Variants in OGFOD1 observed in about 807,000 individuals in gnomAD.
OGFOD1 encodes 2-oxoglutarate and iron dependent oxygenase domain containing 1, also known as prolyl 3-hydroxylase OGFOD1.
In OGFOD1, 54 loss-of-function variants were observed where a neutral mutation model predicts 67.7. That is an observed-to-expected ratio of 0.80 (90% CI 0.64 to 1.00). The LOEUF is 1.00. Ranked by LOEUF, OGFOD1 falls within the 50% of genes least tolerant of loss-of-function variation. The pLI is 0.00. For missense variants in OGFOD1, 606 were observed against 646.7 expected, an observed-to-expected ratio of 0.94 and a Z score of 0.68; for synonymous variants, 221 against 227.0, an observed-to-expected ratio of 0.97 and a Z score of 0.24.
chr16:56,465,102 C>T (rs1410933486), intron 4 of OGFOD1, among the ~76,000 whole-genome samples: 2 of 151,644 alleles, frequency 1.3e-5, no homozygotes, highest in Admixed American at 6.6e-5. Flanking sequence ...TGGGTTCAAG[C>T]GATTCTCCTA....
Position 56,453,395 on chromosome 16 carries a change from A to G in OGFOD1, c.287A>G (p.Tyr96Cys), listed in dbSNP as rs752264043. Residue 96 changes from tyrosine (Y) to cysteine (C), a missense_variant, in exon 2 of 13, where the codon TAT (tyrosine) becomes TGT (cysteine). Physicochemically the swap from Tyr to Cys is radical, Grantham distance 194. Transcript: ENST00000566157. Reference protein sequence around the residue: ...LDFHEKYNDLYKFQQSDDLKK... With the variant: ...LDFHEKYNDLCKFQQSDDLKK... The stretch of plus-strand genomic sequence containing the variant: ...TTCCATGAGAAGTATAATGATTTAT[A>G]TAAGTTCCAGCAGGTATTTATTCCC... The G allele has an allele frequency of 1.1e-5, 18 of 1,611,500 alleles. No homozygotes were observed. Among genetic ancestry groups the G allele is most frequent in the Non-Finnish European group, 1.4e-5 (16 of 1,179,182 alleles).
At chr16:56,457,805 G>A (rs144661321) in intron 2 of OGFOD1, among the ~76,000 whole-genome samples, 109 of 152,040 alleles carry the variant, frequency 7.2e-4, no homozygotes, top group South Asian at 1.5e-3. Flanking sequence ...TCAGCCTCCC[G>A]AGTAGCTGGA....
intron 3 of OGFOD1, among the ~76,000 whole-genome samples, chr16:56,460,217 C>T (rs1203070358): frequency 6.6e-6 from 1 of 152,234 alleles, no homozygotes; most frequent in Non-Finnish European, 1.5e-5. Flanking sequence ...TTACATTCCA[C>T]ACTAAAGGCT....
intron 2 of OGFOD1, chr16:56,454,874 T>C (rs1443244603): frequency 1.1e-5 from 4 of 358,444 alleles, no homozygotes; most frequent in African/African-American, 8.8e-5. Flanking sequence ...ACATGAAAGA[T>C]ATGACTCTTA....
chr16:56,473,580 T>G (rs1482259240), intron 10 of OGFOD1, among the ~76,000 whole-genome samples: 4 of 152,252 alleles, frequency 2.6e-5, no homozygotes, highest in African/African-American at 9.6e-5. Flanking sequence ...GATGATGTTT[T>G]CATTCTTCCT....
intron 3 of OGFOD1, among the ~76,000 whole-genome samples, chr16:56,460,530 C>T (rs769870538): frequency 1.2e-4 from 19 of 152,212 alleles, no homozygotes; most frequent in Non-Finnish European, 2.4e-4. Flanking sequence ...GCTATCCTGA[C>T]CCATTTTACA....
chr16:56,456,926 C>A (rs1238787505), intron 2 of OGFOD1, among the ~76,000 whole-genome samples: 1 of 152,186 alleles, frequency 6.6e-6, no homozygotes, highest in African/African-American at 2.4e-5. Flanking sequence ...TCCAGAGAAG[C>A]CCACTTCTTA....
At chr16:56,466,731 G>A in intron 5 of OGFOD1, 145 bp from the exon 6 acceptor site, 1 of 687,096 alleles carries the variant, frequency 1.5e-6, no homozygotes, top group Non-Finnish European at 2.6e-6. Flanking sequence ...TCGCAAGTAT[G>A]AGTGAAGCAG....
chr16:56,473,130 C>A (rs1409262566), intron 10 of OGFOD1, among the ~76,000 whole-genome samples: 1 of 152,070 alleles, frequency 6.6e-6, no homozygotes, highest in East Asian at 1.9e-4. Flanking sequence ...CGGGGTTTCA[C>A]CGTGTTAGCC....
Position 56,474,814 on chromosome 16 carries a change from T to C in OGFOD1, c.1286-14T>C. The C allele has an allele frequency of 1.3e-6, 2 of 1,587,788 alleles. No homozygotes were observed. Among genetic ancestry groups the C allele is most frequent in the Non-Finnish European group, 1.7e-6 (2 of 1,172,444 alleles). On this transcript the variant is annotated splice_polypyrimidine_tract_variant and intron_variant, in intron 10 of 12. Coordinates refer to ENST00000566157, the MANE Select transcript of OGFOD1 (RefSeq NM_018233.4). ...TTATTTTTTAAAGTTTCTCATCTTT[T>C]TTTTTTTCCTTAGAATCAAGTGTTC...
chr16:56,472,351 A>G (rs1414256071), intron 10 of OGFOD1, among the ~76,000 whole-genome samples: 4 of 152,200 alleles, frequency 2.6e-5, no homozygotes, highest in African/African-American at 7.2e-5. Context: ...ATGGGCAGCC[A>G]AAAGATGCTT....
rs1276248109 is a variant in OGFOD1, at chr16:56,470,737, C to G, written c.1231C>G (p.Gln411Glu). 1 of 1,613,578 alleles carries G rather than the reference C, an allele frequency of 6.2e-7. No individual in the cohort carries two copies. The highest frequency in any genetic ancestry group is 8.5e-7 in the Non-Finnish European group (1 of 1,179,798). ...TCAGATGGCCATCAGCAACAACAGC[C>G]AACAGAGCAATGAGCAGACAGACCC... The part of the protein sequence containing the change: ...NNQMAISNNS[Q>E]QSNEQTDPEP... The change falls in exon 10 of 13, where the codon CAA becomes GAA. Residue 411 changes from glutamine (Q) to glutamate (E), a missense_variant. By Grantham distance (29) the Gln-to-Glu change is conservative (BLOSUM62 2). Coordinates refer to ENST00000566157, the MANE Select transcript of OGFOD1 (RefSeq NM_018233.4).
At chr16:56,464,018 TGC>T (rs1567548933) in intron 4 of OGFOD1, among the ~76,000 whole-genome samples, 1 of 152,232 alleles carries the variant, frequency 6.6e-6, no homozygotes, top group Non-Finnish European at 1.5e-5. Context: ...AGTCCAGGAT[TGC>T]ATGTTGCATT....
intron 8 of OGFOD1, 126 bp from the exon 9 acceptor site, chr16:56,469,877 A>ATT: frequency 1.8e-6 from 1 of 565,808 alleles, no homozygotes; most frequent in Non-Finnish European, 3.0e-6. Flanking sequence ...AAAAAAAGGA[A>ATT]TGAGAGTCAA....
intron 2 of OGFOD1, among the ~76,000 whole-genome samples, chr16:56,457,837 G>A (rs1008555945): frequency 5.9e-5 from 9 of 151,952 alleles, no homozygotes; most frequent in Non-Finnish European, 2.9e-5. Flanking sequence ...GCACCACCAC[G>A]CCTGGCTAAT....
chr16:56,471,659 T>C (rs1963192626), intron 10 of OGFOD1, among the ~76,000 whole-genome samples: 2 of 152,130 alleles, frequency 1.3e-5, no homozygotes, highest in Non-Finnish European at 2.9e-5. Context: ...AGACAAGGGG[T>C]GGATACTTGT....
intron 9 of OGFOD1, 50 bp downstream of exon 9, chr16:56,470,132 AT>A: frequency 4.7e-6 from 7 of 1,504,092 alleles, no homozygotes; most frequent in Non-Finnish European, 4.6e-6. Context: ...CACCTATAAC[AT>A]TTTTTTATAA....
intron 11 of OGFOD1, 67 bp downstream of exon 11, chr16:56,475,017 T>C (rs1567557406): frequency 2.6e-6 from 4 of 1,531,426 alleles, no homozygotes; most frequent in Non-Finnish European, 3.6e-6. Context: ...TGAGGGACCC[T>C]TTCCAGCTGA....
intron 2 of OGFOD1, among the ~76,000 whole-genome samples, chr16:56,454,030 G>T (rs1436474274): frequency 6.6e-6 from 1 of 152,160 alleles, no homozygotes; most frequent in Non-Finnish European, 1.5e-5. Context: ...AGAGTTGTAC[G>T]TTGGGAGACA....
Sources: gnomAD v4.1 joint callset for allele counts (sites outside exome capture counted in the v4.1 genomes callset) on GRCh38, gnomAD v4.1.1 for gene constraint, MANE v1.5 for transcripts, NCBI Gene and HGNC (gene_info 2026-07-23, HGNC 2026-07-21) for gene names.